The following MAPK14 variants were observed in gnomAD, a reference collection of about 807,000 sequenced individuals.
MAPK14 encodes the protein mitogen-activated protein kinase 14, also known as CSAID-binding protein.
Under a neutral mutation model 49.6 loss-of-function variants are expected in MAPK14, and 16 were observed. That is an observed-to-expected ratio of 0.32 (90% confidence interval 0.22 to 0.49). The LOEUF (loss-of-function observed/expected upper bound fraction) is 0.49. Ranked by LOEUF, MAPK14 falls within the 20% of genes least tolerant of loss-of-function variation. The pLI, the probability that MAPK14 is intolerant of heterozygous loss-of-function variation, is 0.99. For missense variants in MAPK14, 200 were observed against 441.2 expected (o/e 0.45, Z 4.90); for synonymous variants, 142 against 158.0 (o/e 0.90, Z 0.76).
At chr6:36,119,050 A>G in the MAPK14 span, among the ~76,000 whole-genome samples, 1 of 152,248 alleles carries the variant, frequency 6.6e-6, no homozygotes, top group African/African-American at 2.4e-5. Flanking sequence ...GTAGTAGGTA[A>G]CATCTATTAT....
chr6:36,070,389 A>G (rs1206575771), intron 3 of MAPK14, among the ~76,000 whole-genome samples: 1 of 152,136 alleles, frequency 6.6e-6, no homozygotes, highest in Admixed American at 6.6e-5. Context: ...TTCTGTCTCT[A>G]TTTCCTTGTC....
rs960884277 is a variant in MAPK14 at position 36,073,548 on chromosome 6, A to T, written c.418-143A>T. 3 of 655,068 alleles carry T rather than the reference A, an allele frequency of 4.6e-6. No homozygotes were observed. The African/African-American group carries it at 5.5e-5, about 12-fold the overall frequency. The allele number at this position is 655,068 out of a possible 1,614,324, so 40.6% of individuals were successfully genotyped here. A position where few individuals can be genotyped will look rare whatever the true frequency, so the allele number is the denominator to read the frequency against. On this transcript the variant is annotated intron_variant, in intron 4 of 11. Coordinates refer to ENST00000229794, the MANE Select transcript of MAPK14 (RefSeq NM_139012.3). ...ATTATAGTAATGGTAAATGTACACA[A>T]TACTGATAGTTACTTATGCTGATTT...
In MAPK14 at chr6:36,052,791, G is replaced by C; in HGVS notation, c.209G>C (p.Arg70Thr). ...ATCATTCATGCGAAAAGAACCTACAGAGAACTGCGGTTACTTAAACATATG... is the reference window on the plus strand; with the variant it reads ...ATCATTCATGCGAAAAGAACCTACACAGAACTGCGGTTACTTAAACATATG... ...QSIIHAKRTY[R>T]ELRLLKHMKH... The change falls in exon 2 of 12, where the codon AGA becomes ACA. Residue 70 changes from arginine (R) to threonine (T), a missense_variant. Arg to Thr is a moderately conservative substitution (Grantham distance 71). Transcript: ENST00000229794. The C allele has an allele frequency of 6.2e-7, 1 of 1,611,664 alleles. No individual in the cohort carries two copies. The highest frequency in any genetic ancestry group is 8.5e-7 in the Non-Finnish European group (1 of 1,178,676).
In MAPK14 at chr6:36,028,790, C is replaced by CTT. The variant is rs1562090295; in HGVS notation, c.116+517_116+518insTT. On this transcript the variant is annotated intron_variant, in intron 1 of 11. Transcript: ENST00000229794. This position sits in a 1 kb window ranked among gnomAD's most constrained non-coding sequence, Gnocchi z 5.1. ...GACCAGGAAGGGAGCTCTCTCCGGG[C>CTT]CTTTTTTTTTTTTTTTTTTTTTCAA... Among the ~76,000 whole-genome samples the CTT allele has an allele frequency of 2.2e-5, 3 of 137,482 alleles. No individual in the cohort carries two copies. Among genetic ancestry groups the CTT allele is most frequent in the African/African-American group, 8.5e-5 (3 of 35,316 alleles). 90.2% of individuals were successfully genotyped at this position (137,482 alleles called of 152,430 possible). A position where few individuals can be genotyped will look rare whatever the true frequency, so the allele number is the denominator to read the frequency against.
In MAPK14 at chr6:36,104,690, C is replaced by T. The variant is rs150122942; in HGVS notation, c.841+2041C>T. On this transcript the variant is annotated intron_variant, in intron 10 of 11. Coordinates refer to ENST00000229794, the MANE Select transcript of MAPK14 (RefSeq NM_139012.3). ...GCATGAGCCACTGCACCCAGCCCGT[C>T]GTGTTCTTTCTTGTCGTCATTCTGT... Among the ~76,000 whole-genome samples the T allele has an allele frequency of 4.7e-3, 716 of 152,218 alleles. 2 individuals are homozygous for T. The highest frequency in any genetic ancestry group is 0.016 in the African/African-American group (681 of 41,522).
At chr6:36,088,273 A>G (rs747687355) in intron 8 of MAPK14, among the ~76,000 whole-genome samples, 1 of 152,204 alleles carries the variant, frequency 6.6e-6, no homozygotes, top group Non-Finnish European at 1.5e-5. Context: ...AGAAACTGAC[A>G]AATGGGCTTC....
chr6:36,095,178 G>A (rs1237859624), intron 8 of MAPK14, among the ~76,000 whole-genome samples: 4 of 152,198 alleles, frequency 2.6e-5, no homozygotes, highest in Non-Finnish European at 5.9e-5. Context: ...TACATTCTGA[G>A]TATACATTGA....
the MAPK14 span, among the ~76,000 whole-genome samples, chr6:36,116,576 C>T: frequency 1.3e-5 from 2 of 152,264 alleles, no homozygotes; most frequent in African/African-American, 4.8e-5. Context: ...TCCCACTCTG[C>T]ACAGTGGCCC....
chr6:36,057,431 A>T (rs924623877), intron 2 of MAPK14, among the ~76,000 whole-genome samples: 60 of 152,330 alleles, frequency 3.9e-4, no homozygotes, highest in African/African-American at 1.2e-3. Flanking sequence ...TGTCTGGGTA[A>T]GATCTGAAAG....
chr6:36,112,400 C>G (rs1031143133), downstream of MAPK14, among the ~76,000 whole-genome samples: 1 of 152,080 alleles, frequency 6.6e-6, no homozygotes, highest in African/African-American at 2.4e-5. Flanking sequence ...GTGGTGGACA[C>G]TGGGGGATAG....
chr6:36,106,708 A>G (rs1037341518), intron 10 of MAPK14, among the ~76,000 whole-genome samples: 1 of 152,194 alleles, frequency 6.6e-6, no homozygotes, highest in Non-Finnish European at 1.5e-5. Context: ...TGCTAGGCAT[A>G]TGAGTGTTCA....
chr6:36,092,206 A>G, intron 8 of MAPK14: 2 of 544,220 alleles, frequency 3.7e-6, no homozygotes, highest in South Asian at 1.4e-5. Context: ...ATCTCCGTTA[A>G]TGATTACTGT....
At chr6:36,036,733 A>AAAAATATT (rs1554171488) in intron 1 of MAPK14, among the ~76,000 whole-genome samples, 48 of 151,734 alleles carry the variant, frequency 3.2e-4, no homozygotes, top group Admixed American at 2.7e-3. Flanking sequence ...TAGCAAAAAA[A>AAAAATATT]TATTTATTTA....
downstream of MAPK14, among the ~76,000 whole-genome samples, chr6:36,112,731 C>T (rs539024744): frequency 1.3e-5 from 2 of 152,324 alleles, no homozygotes; most frequent in African/African-American, 4.8e-5. Flanking sequence ...CTGTCACCCA[C>T]ACTTTTCAGA....
intron 3 of MAPK14, among the ~76,000 whole-genome samples, chr6:36,070,011 C>CTA (rs1764207104): frequency 6.6e-6 from 1 of 152,092 alleles, no homozygotes; most frequent in African/African-American, 2.4e-5. Flanking sequence ...TCTTATATGA[C>CTA]CGAAATTAGA....
chr6:36,051,434 A>G (rs1315476104), intron 1 of MAPK14, among the ~76,000 whole-genome samples: 2 of 152,160 alleles, frequency 1.3e-5, no homozygotes, highest in African/African-American at 4.8e-5. Context: ...ATTAAAATAC[A>G]CATCGCATTT....
At chr6:36,070,227 T>A (rs971977320) in intron 3 of MAPK14, among the ~76,000 whole-genome samples, 1 of 152,222 alleles carries the variant, frequency 6.6e-6, no homozygotes, top group Admixed American at 6.5e-5. Context: ...TTTAAAAAGG[T>A]CATTCCCTTG....
At chr6:36,036,160 TGG>T (rs1762739737) in intron 1 of MAPK14, among the ~76,000 whole-genome samples, 1 of 147,706 alleles carries the variant, frequency 6.8e-6, no homozygotes, top group Non-Finnish European at 1.5e-5. Context: ...TGCTTGAACC[TGG>T]GAAGTGGAGG....
intron 8 of MAPK14, among the ~76,000 whole-genome samples, chr6:36,089,230 T>C (rs1765119238): frequency 6.6e-6 from 1 of 152,086 alleles, no homozygotes; most frequent in Admixed American, 6.5e-5. Flanking sequence ...CCCATAAAAA[T>C]GAATGAGATT....
Sources: gnomAD v4.1 joint callset for allele counts (sites outside exome capture counted in the v4.1 genomes callset) on GRCh38, gnomAD v4.1.1 for gene constraint, Gnocchi (gnomAD v3.1) non-coding constraint, MANE v1.5 for transcripts, NCBI Gene and HGNC (gene_info 2026-07-23, HGNC 2026-07-21) for gene names.